Variants in FSTL5 observed in about 807,000 individuals in gnomAD.
The protein encoded by FSTL5 is follistatin like 5, also known as follistatin-related protein 5.
A neutral mutation model predicts 89.1 loss-of-function variants in FSTL5; 62 were observed. The observed-to-expected ratio is 0.70, with a 90% CI of 0.57 to 0.86. FSTL5 has a LOEUF of 0.86. FSTL5 is among the 40% of genes least tolerant of loss of function. The pLI is 0.00. For synonymous variants in FSTL5, 383 were observed against 346.2 expected, an observed-to-expected ratio of 1.11 and a Z score of -1.18; for missense variants, 1,057 against 1,001.6, an observed-to-expected ratio of 1.06 and a Z score of -0.75.
At chr4:161,610,130 T>C (rs561503929) in intron 7 of FSTL5, among the ~76,000 whole-genome samples, 55 of 152,206 alleles carry the variant, frequency 3.6e-4, no homozygotes, top group Non-Finnish European at 6.0e-4. Flanking sequence ...AGAAATTTTA[T>C]ACTGGATTAT....
At chr4:161,492,681 T>A (rs2126472306) in intron 12 of FSTL5, among the ~76,000 whole-genome samples, 1 of 150,432 alleles carries the variant, frequency 6.6e-6, no homozygotes, top group East Asian at 2.0e-4. Context: ...ATTTTGAAAA[T>A]AAATGACTAA....
At chr4:161,784,132 TG>T (rs1741795448) in intron 4 of FSTL5, among the ~76,000 whole-genome samples, 1 of 151,852 alleles carries the variant, frequency 6.6e-6, no homozygotes, top group South Asian at 2.1e-4. Flanking sequence ...GATGGGGTTT[TG>T]CCATGTTGGC....
chr4:161,538,904 C>G (rs1331312244), intron 9 of FSTL5, among the ~76,000 whole-genome samples: 1 of 152,082 alleles, frequency 6.6e-6, no homozygotes, highest in Admixed American at 6.5e-5. Context: ...GCTGGGACTA[C>G]AGGCCCACTG....
intron 7 of FSTL5, among the ~76,000 whole-genome samples, chr4:161,602,965 A>C (rs1160543996): frequency 2.0e-5 from 3 of 152,230 alleles, no homozygotes; most frequent in Non-Finnish European, 4.4e-5. Flanking sequence ...GTGTACAAAT[A>C]AATAACAACT....
At chr4:162,059,648 A>T (rs1179594895) in intron 2 of FSTL5, among the ~76,000 whole-genome samples, 1 of 152,188 alleles carries the variant, frequency 6.6e-6, no homozygotes, top group Admixed American at 6.6e-5. Context: ...CACAAAGGTC[A>T]GGAAAAGTCC....
intron 15 of FSTL5, among the ~76,000 whole-genome samples, chr4:161,451,814 A>G (rs1414238542): frequency 6.6e-6 from 1 of 152,236 alleles, no homozygotes; most frequent in Non-Finnish European, 1.5e-5. Context: ...AGTCTGGTTT[A>G]GGAAATAGTG....
chr4:161,662,927 C>T (rs991506409), intron 6 of FSTL5, among the ~76,000 whole-genome samples: 14 of 152,040 alleles, frequency 9.2e-5, no homozygotes, highest in African/African-American at 3.1e-4. Flanking sequence ...AGCAGAATCA[C>T]GGCAGGAGGT....
intron 7 of FSTL5, among the ~76,000 whole-genome samples, chr4:161,637,849 C>T (rs1306857360): frequency 2.7e-4 from 31 of 116,258 alleles, no homozygotes; most frequent in Non-Finnish European, 6.9e-5. Context: ...CAGTACCATG[C>T]TGTTTTGGTT....
chr4:161,487,509 T>C (rs947819776), intron 12 of FSTL5, among the ~76,000 whole-genome samples: 1 of 152,142 alleles, frequency 6.6e-6, no homozygotes, highest in Non-Finnish European at 1.5e-5. Flanking sequence ...CTATCTACTT[T>C]AACAGTATTT....
intron 3 of FSTL5, among the ~76,000 whole-genome samples, chr4:161,973,610 G>C (rs1389475217): frequency 6.6e-6 from 1 of 152,158 alleles, no homozygotes; most frequent in Admixed American, 6.5e-5. Context: ...GCCTGTTACA[G>C]AGTGTTTTTT....
intron 8 of FSTL5, among the ~76,000 whole-genome samples, chr4:161,550,656 A>C (rs1471989536): frequency 6.6e-6 from 1 of 151,538 alleles, no homozygotes; most frequent in Non-Finnish European, 1.5e-5. Context: ...ATATGTTTAC[A>C]TGTGCCATGC....
intron 2 of FSTL5, among the ~76,000 whole-genome samples, chr4:162,036,740 A>G (rs780755046): frequency 5.3e-5 from 8 of 152,070 alleles, no homozygotes; most frequent in Non-Finnish European, 1.0e-4. Context: ...AATTTTCAAT[A>G]GTACAGAATT....
intron 3 of FSTL5, among the ~76,000 whole-genome samples, chr4:162,027,321 C>T (rs1354394890): frequency 1.3e-5 from 2 of 151,936 alleles, no homozygotes; most frequent in Non-Finnish European, 2.9e-5. Flanking sequence ...GAGGTATTTA[C>T]TTAATTTACT....
chr4:161,781,771 T>A (rs1000047968), intron 4 of FSTL5, among the ~76,000 whole-genome samples: 1 of 152,202 alleles, frequency 6.6e-6, no homozygotes, highest in Non-Finnish European at 1.5e-5. Context: ...CTACTTTAGA[T>A]ACATTAAAGT....
intron 7 of FSTL5, among the ~76,000 whole-genome samples, chr4:161,647,230 C>T (rs374025535): frequency 6.6e-6 from 1 of 152,140 alleles, no homozygotes; most frequent in South Asian, 2.1e-4. Flanking sequence ...ATATCCAGTC[C>T]TCTCAACAAG....
At chr4:161,515,991 C>G (rs1000500588) in intron 10 of FSTL5, among the ~76,000 whole-genome samples, 1 of 151,736 alleles carries the variant, frequency 6.6e-6, no homozygotes, top group Non-Finnish European at 1.5e-5. Flanking sequence ...TCATTTCAAA[C>G]ACTTCAGGTG....
chr4:161,446,850 T>C (rs1000907320), intron 15 of FSTL5, among the ~76,000 whole-genome samples: 1 of 152,014 alleles, frequency 6.6e-6, no homozygotes, highest in Non-Finnish European at 1.5e-5. Flanking sequence ...TTTTTACTAA[T>C]GAGGAAACGG....
At chr4:161,530,527 T>C (rs1440815232) in intron 10 of FSTL5, among the ~76,000 whole-genome samples, 3 of 151,906 alleles carry the variant, frequency 2.0e-5, no homozygotes, top group East Asian at 3.9e-4. Context: ...TTTTTAGAAA[T>C]ACAGCCAACT....
chr4:161,663,016 T>A (rs972350223), intron 6 of FSTL5, among the ~76,000 whole-genome samples: 1 of 151,988 alleles, frequency 6.6e-6, no homozygotes, highest in African/African-American at 2.4e-5. Flanking sequence ...ACCCATCAGA[T>A]CTCGTGAGAC....
Sources: gnomAD v4.1 joint callset for allele counts (sites outside exome capture counted in the v4.1 genomes callset) on GRCh38, gnomAD v4.1.1 for gene constraint, MANE v1.5 for transcripts, NCBI Gene and HGNC (gene_info 2026-07-23, HGNC 2026-07-21) for gene names.